POTEG: variants seen among roughly 807,000 people sequenced by gnomAD.
The protein encoded by POTEG is POTE ankyrin domain family member G.
Under a neutral mutation model 49.6 loss-of-function variants are expected in POTEG, and 2 were observed. That is an observed-to-expected ratio of 0.04 (90% CI 0.02 to 0.13). The LOEUF (loss-of-function observed/expected upper bound fraction) is 0.13. Ranked by LOEUF, POTEG falls within the 10% of genes least tolerant of loss-of-function variation. The pLI is 1.00. For missense variants in POTEG, 26 were observed against 545.2 expected, an observed-to-expected ratio of 0.05 and a Z score of 9.48; for synonymous variants, 7 against 186.6, an observed-to-expected ratio of 0.04 and a Z score of 7.84.
intron 7 of POTEG, 121 bp downstream of exon 7, chr14:19,416,167 A>C: frequency 1.5e-6 from 1 of 645,722 alleles, no homozygotes; most frequent in East Asian, 3.0e-5. Context: ...AAAAGAATCT[A>C]TTGATTCTCA....
At chr14:19,415,558 C>A (rs1472754495) in intron 7 of POTEG, among the ~76,000 whole-genome samples, 1 of 149,532 alleles carries the variant, frequency 6.7e-6, no homozygotes. Flanking sequence ...ATAATATAAT[C>A]CAATAATTGA....
At chr14:19,432,403 TAC>T (rs1555310381) in intron 1 of POTEG, among the ~76,000 whole-genome samples, 4 of 44,730 alleles carry the variant, frequency 8.9e-5, no homozygotes, top group South Asian at 9.9e-4. Context: ...TATATATATA[TAC>T]ACACACATGT....
rs1555310381 is a variant in POTEG, at chr14:19,432,403, T to TACACAC, written c.521+1360_521+1365dup. Reference sequence around the variant, plus strand: ...ATATATATATATATATATATATATATACACACACATGTATATATATGTATA... The same window carrying TACACAC: ...ATATATATATATATATATATATATATACACACACACACACATGTATATATATGTATA... On this transcript the variant is annotated intron_variant, in intron 1 of 10. Coordinates refer to ENST00000547848, the MANE Select transcript of POTEG (RefSeq NM_001005356.3). Among the ~76,000 whole-genome samples, 310 of 44,644 alleles carry TACACAC rather than the reference T, an allele frequency of 6.9e-3. 5 individuals are homozygous for TACACAC. Among genetic ancestry groups the TACACAC allele is most frequent in the Non-Finnish European group, 0.011 (262 of 22,862 alleles). The allele number at this position is 44,644 out of a possible 152,430, so 29.3% of individuals were successfully genotyped here.
intron 1 of POTEG, among the ~76,000 whole-genome samples, 177 bp downstream of exon 1, chr14:19,433,588 TTTTG>T (rs1419125366): frequency 2.2e-5 from 3 of 136,598 alleles, no homozygotes; most frequent in African/African-American, 8.4e-5. Context: ...TCAGCTAAAG[TTTTG>T]TTTTTGTGTT....
intron 7 of POTEG, among the ~76,000 whole-genome samples, 173 bp from the exon 8 acceptor site, chr14:19,414,779 A>T (rs1297760913): frequency 2.7e-5 from 4 of 146,040 alleles, no homozygotes; most frequent in African/African-American, 9.8e-5. Context: ...TAAAATTAAG[A>T]TTAACTTTTT....
At position 19,416,065 on chromosome 14, in the gene POTEG, C is replaced by T. The variant is rs1245621733; in HGVS notation, c.1197+223G>A. Among the ~76,000 whole-genome samples the T allele has an allele frequency of 4.8e-5, 7 of 146,890 alleles. No individual in the cohort carries two copies. The South Asian group carries it at 1.1e-3, about 23-fold the overall frequency. On this transcript the variant is annotated intron_variant, in intron 7 of 10. Coordinates refer to ENST00000547848, the MANE Select transcript of POTEG (RefSeq NM_001005356.3). ...TTCATCATCTTAGCCAGGATGGTCT[C>T]GATCTCCTGACCTCATGATCCGCCC...
At chr14:19,432,401 TATACAC>T (rs1217998122) in intron 1 of POTEG, among the ~76,000 whole-genome samples, 2 of 69,356 alleles carry the variant, frequency 2.9e-5, no homozygotes, top group Admixed American at 1.4e-4. Flanking sequence ...TATATATATA[TATACAC>T]ACACATGTAT....
chr14:19,426,554 A>G (rs1351252471), intron 3 of POTEG, among the ~76,000 whole-genome samples: 1 of 152,304 alleles, frequency 6.6e-6, no homozygotes, highest in African/African-American at 2.4e-5. Context: ...GCCATCCTCT[A>G]CTTATTGAAA....
At chr14:19,415,864 G>A (rs1377612596) in intron 7 of POTEG, among the ~76,000 whole-genome samples, 6 of 40,994 alleles carry the variant, frequency 1.5e-4, no homozygotes, top group African/African-American at 4.9e-4. Flanking sequence ...TTTTTTTTTT[G>A]ACACAGAGTC....
chr14:19,426,661 C>A, intron 3 of POTEG: 1 of 448,196 alleles, frequency 2.2e-6, no homozygotes, highest in South Asian at 1.6e-5. Context: ...ATAGATACTA[C>A]CAATAATATT....
At chr14:19,415,071 G>T (rs1255047515) in intron 7 of POTEG, among the ~76,000 whole-genome samples, 3 of 145,714 alleles carry the variant, frequency 2.1e-5, no homozygotes, top group Admixed American at 6.8e-5. Flanking sequence ...TTCCTAACTG[G>T]ATTGTAGGCA....
At chr14:19,416,006 G>A (rs865794043) in intron 7 of POTEG, among the ~76,000 whole-genome samples, 10 of 147,962 alleles carry the variant, frequency 6.8e-5, no homozygotes, top group African/African-American at 1.2e-4. Flanking sequence ...CACCACACCC[G>A]GCTAAGATTT....
chr14:19,432,362 T>TGA (rs1566383022), intron 1 of POTEG, among the ~76,000 whole-genome samples: 1 of 31,706 alleles, frequency 3.2e-5, no homozygotes, highest in African/African-American at 1.1e-4. Context: ...AAAAAAGAAA[T>TGA]TTTGTATATA....
rs1260900580 is a variant in POTEG at position 19,432,508 on chromosome 14, G to A, written c.521+1261C>T. On this transcript the variant is annotated intron_variant, in intron 1 of 10. Coordinates refer to ENST00000547848, the MANE Select transcript of POTEG (RefSeq NM_001005356.3). ...TATATATATCTGCATATGTAAATAGGCACTTGTGTTTTCTTCTGGTATGTT... is the reference window on the plus strand; with the variant it reads ...TATATATATCTGCATATGTAAATAGACACTTGTGTTTTCTTCTGGTATGTT... Among the ~76,000 whole-genome samples, 621 of 94,140 alleles carry A rather than the reference G, an allele frequency of 6.6e-3. 5 individuals carry two copies. Among genetic ancestry groups the A allele is most frequent in the African/African-American group, 0.027 (599 of 22,004 alleles). 61.8% of individuals were successfully genotyped at this position (94,140 alleles called of 152,430 possible).
At chr14:19,425,534 T>C in intron 4 of POTEG, 72 bp downstream of exon 4, 1 of 602,206 alleles carries the variant, frequency 1.7e-6, no homozygotes, top group Non-Finnish European at 2.4e-6. Flanking sequence ...TATACATTAA[T>C]CTTATTTAAT....
At position 19,419,684 on chromosome 14, in the gene POTEG, G is replaced by A. The variant is rs1386387614; in HGVS notation, c.1126+1940C>T. ...CAGTGCCTGGTTTGGGAATGAGCAGGTACTCTGACCTAGCCAATGAAATAT... is the reference window on the plus strand; with the variant it reads ...CAGTGCCTGGTTTGGGAATGAGCAGATACTCTGACCTAGCCAATGAAATAT... On this transcript the variant is annotated intron_variant, in intron 6 of 10. Transcript: ENST00000547848. Among the ~76,000 whole-genome samples the A allele has an allele frequency of 8.1e-5, 8 of 98,416 alleles. No homozygotes were observed. In the East Asian group the frequency reaches 2.3e-3, roughly 28 times the overall value. The allele number at this position is 98,416 out of a possible 152,430, so 64.6% of individuals were successfully genotyped here. A position where few individuals can be genotyped will look rare whatever the true frequency, so the allele number is the denominator to read the frequency against.
At chr14:19,419,931 T>A (rs1238157366) in intron 6 of POTEG, among the ~76,000 whole-genome samples, 1 of 143,278 alleles carries the variant, frequency 7.0e-6, no homozygotes, top group Admixed American at 7.0e-5. Flanking sequence ...ACCTACTCAT[T>A]TCTATAGTAT....
chr14:19,432,415 T>C (rs1466927038), intron 1 of POTEG, among the ~76,000 whole-genome samples: 5 of 83,986 alleles, frequency 6.0e-5, no homozygotes, highest in Non-Finnish European at 1.2e-4. Context: ...CACACACATG[T>C]ATATATATGT....
chr14:19,432,399 T>C lies in POTEG; in HGVS notation c.521+1370A>G, dbSNP rs1480967363. Among the ~76,000 whole-genome samples, 33 of 88,306 alleles carry C rather than the reference T, an allele frequency of 3.7e-4. 2 individuals carry two copies. Among genetic ancestry groups the C allele is most frequent in the Non-Finnish European group, 5.7e-4 (23 of 40,122 alleles). 57.9% of individuals were successfully genotyped at this position (88,306 alleles called of 152,430 possible). A position where few individuals can be genotyped will look rare whatever the true frequency, so the allele number is the denominator to read the frequency against. On this transcript the variant is annotated intron_variant, in intron 1 of 10. Transcript: ENST00000547848. ...ATATATATATATATATATATATATA[T>C]ATATACACACACATGTATATATATG...
Sources: allele counts gnomAD v4.1 joint callset (sites outside exome capture counted in the v4.1 genomes callset), GRCh38; gene constraint gnomAD v4.1.1; transcripts MANE v1.5; gene names NCBI Gene and HGNC (gene_info 2026-07-23, HGNC 2026-07-21).